Variants in CDKAL1 observed in about 807,000 individuals in gnomAD.
The protein encoded by CDKAL1 is threonylcarbamoyladenosine tRNA methylthiotransferase.
Under a neutral mutation model 68.2 loss-of-function variants are expected in CDKAL1, and 32 were observed. That is an observed-to-expected ratio of 0.47 (90% confidence interval 0.35 to 0.63). The LOEUF (loss-of-function observed/expected upper bound fraction) is 0.63, where lower values mean the gene tolerates loss of function less well. Ranked by LOEUF, CDKAL1 falls within the 30% of genes least tolerant of loss-of-function variation. The pLI, the probability that CDKAL1 is intolerant of heterozygous loss-of-function variation, is 0.00. For synonymous variants in CDKAL1, 234 were observed against 244.3 expected, an observed-to-expected ratio of 0.96 and a Z score of 0.39; for missense variants, 606 against 696.7, an observed-to-expected ratio of 0.87 and a Z score of 1.47.
At position 20,969,720 on chromosome 6, in the gene CDKAL1, A is replaced by G. The variant is rs1445010977; in HGVS notation, c.909+14135A>G. Among the ~76,000 whole-genome samples the G allele has an allele frequency of 2.6e-5, 4 of 152,182 alleles. No homozygotes were observed. The East Asian group carries it at 7.7e-4, about 29-fold the overall frequency. On this transcript the variant is annotated intron_variant, in intron 10 of 15. Transcript: ENST00000274695. ...TGTTGGAGCTTGCCTGGAATGCTCC[A>G]TCAGGTAGCTTATAACTCCACCTTT...
At chr6:20,898,011 A>T (rs1761780622) in intron 9 of CDKAL1, among the ~76,000 whole-genome samples, 1 of 152,094 alleles carries the variant, frequency 6.6e-6, no homozygotes, top group Non-Finnish European at 1.5e-5. Context: ...AACCATGAAA[A>T]TGTTGCTGCC....
chr6:20,562,584 CA>C (rs1345733164), intron 4 of CDKAL1, among the ~76,000 whole-genome samples: 1 of 151,450 alleles, frequency 6.6e-6, no homozygotes, highest in Admixed American at 6.6e-5. Context: ...ACTGAAAATA[CA>C]AAAAAAATTA....
chr6:21,032,750 T>C (rs930299835), intron 11 of CDKAL1, among the ~76,000 whole-genome samples: 2 of 152,216 alleles, frequency 1.3e-5, no homozygotes, highest in Non-Finnish European at 2.9e-5. Flanking sequence ...CCATAGCCTG[T>C]ACCATATAGC....
chr6:21,163,615 G>A (rs1236451557), intron 13 of CDKAL1, among the ~76,000 whole-genome samples: 1 of 152,180 alleles, frequency 6.6e-6, no homozygotes, highest in African/African-American at 2.4e-5. Flanking sequence ...AAAAAGGCAT[G>A]TGGTGTTGAG....
At chr6:21,050,574 G>C (rs1176198468) in intron 11 of CDKAL1, among the ~76,000 whole-genome samples, 4 of 152,188 alleles carry the variant, frequency 2.6e-5, no homozygotes, top group Non-Finnish European at 5.9e-5. Flanking sequence ...GCCTTTTATG[G>C]ACTCAGAATG....
At chr6:21,120,453 G>A (rs1205710799) in intron 13 of CDKAL1, among the ~76,000 whole-genome samples, 2 of 152,190 alleles carry the variant, frequency 1.3e-5, no homozygotes, top group Non-Finnish European at 2.9e-5. Context: ...AATGTCCTAA[G>A]TAAGTTTATG....
chr6:21,134,783 CATCTT>C (rs1435979373), intron 13 of CDKAL1, among the ~76,000 whole-genome samples: 1 of 152,066 alleles, frequency 6.6e-6, no homozygotes, highest in Non-Finnish European at 1.5e-5. Flanking sequence ...TTCAAACTGA[CATCTT>C]AAGAGTTTCA....
intron 5 of CDKAL1, among the ~76,000 whole-genome samples, chr6:20,685,145 T>C (rs982689477): frequency 3.3e-5 from 5 of 152,236 alleles, no homozygotes; most frequent in African/African-American, 7.2e-5. Flanking sequence ...TGTTTTACAT[T>C]GAGGTCTGAG....
intron 5 of CDKAL1, among the ~76,000 whole-genome samples, chr6:20,712,230 C>T (rs3749925): frequency 7.2e-5 from 11 of 151,912 alleles, no homozygotes; most frequent in African/African-American, 1.7e-4. Context: ...AGTCTGTGCT[C>T]GGGGCAGTAT....
At chr6:21,053,844 A>G (rs922779519) in intron 11 of CDKAL1, among the ~76,000 whole-genome samples, 4 of 152,290 alleles carry the variant, frequency 2.6e-5, no homozygotes, top group South Asian at 4.1e-4. Flanking sequence ...ATAGTTCTCA[A>G]TATAGTTTGG....
chr6:21,211,472 G>C (rs1279960456), intron 15 of CDKAL1, among the ~76,000 whole-genome samples: 1 of 152,168 alleles, frequency 6.6e-6, no homozygotes, highest in Non-Finnish European at 1.5e-5. Flanking sequence ...GTACCATTTA[G>C]TTTGTAGTTT....
At chr6:20,785,279 A>G (rs927585226) in intron 8 of CDKAL1, among the ~76,000 whole-genome samples, 1 of 149,800 alleles carries the variant, frequency 6.7e-6, no homozygotes, top group African/African-American at 2.5e-5. Context: ...TGTCCACACT[A>G]TCATTCTATA....
intron 12 of CDKAL1, among the ~76,000 whole-genome samples, chr6:21,095,246 A>G (rs978308708): frequency 1.3e-5 from 2 of 152,144 alleles, no homozygotes; most frequent in Non-Finnish European, 2.9e-5. Flanking sequence ...CTAAGAATGG[A>G]AAGGATGAAT....
At chr6:20,839,553 G>A (rs943148735) in intron 8 of CDKAL1, among the ~76,000 whole-genome samples, 3 of 152,076 alleles carry the variant, frequency 2.0e-5, no homozygotes, top group Non-Finnish European at 4.4e-5. Context: ...TAGACTATCA[G>A]GCCCTTTATT....
intron 12 of CDKAL1, among the ~76,000 whole-genome samples, chr6:21,085,662 T>C (rs1772650332): frequency 6.6e-6 from 1 of 152,160 alleles, no homozygotes; most frequent in Admixed American, 6.5e-5. Flanking sequence ...TAGTGAACAA[T>C]GAGAAAGACT....
intron 8 of CDKAL1, among the ~76,000 whole-genome samples, chr6:20,802,600 A>G (rs1776415521): frequency 6.6e-6 from 1 of 152,164 alleles, no homozygotes; most frequent in Non-Finnish European, 1.5e-5. Context: ...GAACATATAT[A>G]TGTTCTTCAA....
chr6:20,695,924 AG>A (rs1456561990), intron 5 of CDKAL1, among the ~76,000 whole-genome samples: 1 of 152,232 alleles, frequency 6.6e-6, no homozygotes, highest in Non-Finnish European at 1.5e-5. Context: ...CCCATGAAAC[AG>A]TAACTCCCCA....
chr6:20,588,778 C>T (rs529096983), intron 4 of CDKAL1, among the ~76,000 whole-genome samples: 2 of 152,132 alleles, frequency 1.3e-5, no homozygotes, highest in Non-Finnish European at 2.9e-5. Flanking sequence ...ATAATCTCAT[C>T]TATTTTACAT....
chr6:21,093,694 CTTTTTTTT>C (rs547923386), intron 12 of CDKAL1, among the ~76,000 whole-genome samples: 204 of 87,888 alleles, frequency 2.3e-3, no homozygotes, highest in Admixed American at 3.5e-3. Flanking sequence ...GCTGCTGCTG[CTTTTTTTT>C]TTTTTTTTTT....
Sources: allele counts gnomAD v4.1 joint callset (sites outside exome capture counted in the v4.1 genomes callset), GRCh38; gene constraint gnomAD v4.1.1; transcripts MANE v1.5; gene names NCBI Gene and HGNC (gene_info 2026-07-23, HGNC 2026-07-21).